CAMK2D: variants seen among roughly 807,000 people sequenced by gnomAD.
CAMK2D encodes the protein calcium/calmodulin-dependent protein kinase type II subunit delta.
In CAMK2D, 37 loss-of-function variants were observed where a neutral mutation model predicts 84.0. The ratio of observed to expected loss-of-function variants is 0.44; its 90% CI spans 0.34 to 0.58. The LOEUF is 0.58. Ranked by LOEUF, CAMK2D falls within the 20% of genes least tolerant of loss-of-function variation. The pLI, the probability that CAMK2D is intolerant of heterozygous loss-of-function variation, is 0.02. For missense variants in CAMK2D, 448 were observed against 652.5 expected, an observed-to-expected ratio of 0.69 and a Z score of 3.41; for synonymous variants, 202 against 212.5, an observed-to-expected ratio of 0.95 and a Z score of 0.43.
intron 16 of CAMK2D, among the ~76,000 whole-genome samples, chr4:113,499,125 G>C (rs1357100451): frequency 6.6e-6 from 1 of 152,004 alleles, no homozygotes; most frequent in East Asian, 1.9e-4. Context: ...CTGAATCAGT[G>C]GGAAAGCTAA....
In CAMK2D at chr4:113,586,633, A is replaced by G. The variant is rs968872649; in HGVS notation, c.275+22519T>C. On this transcript the variant is annotated intron_variant, in intron 4 of 20. Coordinates refer to ENST00000511664, the MANE Select transcript of CAMK2D (RefSeq NM_001321571.2). ...AACCTAGGTTGTGAGGCTCAGCTCA[A>G]TTCTGTTACTAAAACACCTTCTGAT... 3.3e-5 allele frequency among the ~76,000 whole-genome samples: 5 copies of G among 152,162 alleles called. 1 individual carries two copies. Among genetic ancestry groups the G allele is most frequent in the Admixed American group, 1.3e-4 (2 of 15,268 alleles).
At chr4:113,609,749 G>C (rs2098992180) in intron 3 of CAMK2D, among the ~76,000 whole-genome samples, 1 of 152,092 alleles carries the variant, frequency 6.6e-6, no homozygotes, top group Non-Finnish European at 1.5e-5. Flanking sequence ...GCACTCCCTG[G>C]CCAACCTGGC....
chr4:113,554,076 T>A (rs1280623614), intron 4 of CAMK2D, among the ~76,000 whole-genome samples: 1 of 152,148 alleles, frequency 6.6e-6, no homozygotes, highest in Non-Finnish European at 1.5e-5. Flanking sequence ...CTGACATTAA[T>A]AAAATTGCTG....
At chr4:113,559,048 A>T (rs1420317590) in intron 4 of CAMK2D, among the ~76,000 whole-genome samples, 1 of 152,212 alleles carries the variant, frequency 6.6e-6, no homozygotes, top group Non-Finnish European at 1.5e-5. Flanking sequence ...CTAACATGTC[A>T]TGCATTTCAA....
chr4:113,599,458 A>G (rs1225391381), intron 4 of CAMK2D, among the ~76,000 whole-genome samples: 19 of 152,226 alleles, frequency 1.2e-4, no homozygotes, highest in Admixed American at 1.2e-3. Context: ...GGGTAAGTCA[A>G]TAAACTCTGG....
intron 2 of CAMK2D, among the ~76,000 whole-genome samples, chr4:113,693,028 C>T (rs1200945221): frequency 6.6e-6 from 1 of 152,040 alleles, no homozygotes; most frequent in Non-Finnish European, 1.5e-5. Flanking sequence ...CATTATGTTC[C>T]CTCTGACCTA....
chr4:113,649,078 T>A (rs2099162731), intron 3 of CAMK2D, among the ~76,000 whole-genome samples: 1 of 152,202 alleles, frequency 6.6e-6, no homozygotes, highest in Non-Finnish European at 1.5e-5. Context: ...ACAAGTTAAT[T>A]GTTGCTCAAG....
At chr4:113,684,272 A>C (rs1053639380) in intron 2 of CAMK2D, among the ~76,000 whole-genome samples, 5 of 152,196 alleles carry the variant, frequency 3.3e-5, no homozygotes, top group Non-Finnish European at 7.3e-5. Context: ...AGATAACCAC[A>C]TTGGATAGCC....
intron 4 of CAMK2D, among the ~76,000 whole-genome samples, chr4:113,560,442 TA>T (rs1210949587): frequency 6.6e-6 from 1 of 152,072 alleles, no homozygotes; most frequent in Non-Finnish European, 1.5e-5. Context: ...GAAACATAAA[TA>T]AAAAATTATG....
chr4:113,623,063 A>T (rs1466963639), intron 3 of CAMK2D, among the ~76,000 whole-genome samples: 1 of 152,152 alleles, frequency 6.6e-6, no homozygotes, highest in Non-Finnish European at 1.5e-5. Context: ...ACTCCTTTAC[A>T]AAAAAAGTTT....
chr4:113,451,178 A>G lies in CAMK2D; in HGVS notation c.*3367T>C, dbSNP rs1400091694. Reference sequence around the variant, plus strand: ...TTGAAAATTTCCTTAGAATATACTGATTTGCTACTACATTTCATTTTTCCT... The same window carrying G: ...TTGAAAATTTCCTTAGAATATACTGGTTTGCTACTACATTTCATTTTTCCT... On this transcript the variant is annotated 3_prime_UTR_variant, in exon 21 of 21. Coordinates refer to ENST00000511664, the MANE Select transcript of CAMK2D (RefSeq NM_001321571.2). 6.6e-6 allele frequency: 1 copy of G among 152,092 alleles called. No individual in the cohort carries two copies. The highest frequency in any genetic ancestry group is 1.5e-5 in the Non-Finnish European group (1 of 68,004). 9.4% of individuals were successfully genotyped at this position (152,092 alleles called of 1,614,324 possible).
At chr4:113,699,778 T>C (rs2099412671) in intron 2 of CAMK2D, among the ~76,000 whole-genome samples, 1 of 152,222 alleles carries the variant, frequency 6.6e-6, no homozygotes, top group Non-Finnish European at 1.5e-5. Flanking sequence ...TTCATTATGA[T>C]ATAAACATGT....
rs568943666 is a variant in CAMK2D, at chr4:113,758,767, C to T, written c.160+553G>A. Among the ~76,000 whole-genome samples the T allele has an allele frequency of 7.9e-5, 12 of 152,176 alleles. 2 individuals are homozygous for T. The highest frequency in any genetic ancestry group is 1.9e-4 in the African/African-American group (8 of 41,518). On this transcript the variant is annotated intron_variant, in intron 2 of 20. Coordinates refer to ENST00000511664, the MANE Select transcript of CAMK2D (RefSeq NM_001321571.2). ...CATGAGTCTGTGTGAAGCCTTAATG[C>T]GAAGACCAAGGTCTGAGCTGCACAC...
At chr4:113,564,596 T>G (rs536893811) in intron 4 of CAMK2D, among the ~76,000 whole-genome samples, 1 of 152,228 alleles carries the variant, frequency 6.6e-6, no homozygotes, top group African/African-American at 2.4e-5. Flanking sequence ...TACTTATTTT[T>G]GGTATCCCTT....
intron 2 of CAMK2D, among the ~76,000 whole-genome samples, chr4:113,752,162 G>A (rs185302802): frequency 5.9e-5 from 9 of 151,976 alleles, no homozygotes; most frequent in Admixed American, 1.3e-4. Context: ...AGCTTCAAAA[G>A]TAGGGAGAAT....
chr4:113,736,172 A>G (rs189220357), intron 2 of CAMK2D, among the ~76,000 whole-genome samples: 10 of 151,714 alleles, frequency 6.6e-5, no homozygotes, highest in African/African-American at 2.4e-4. Context: ...CACCACAATT[A>G]TATAAAAGTG....
chr4:113,548,416 A>G (rs151092708), intron 5 of CAMK2D, among the ~76,000 whole-genome samples: 14 of 152,284 alleles, frequency 9.2e-5, no homozygotes, highest in African/African-American at 1.4e-4. Context: ...TAGGTAGTTT[A>G]CTGCTTGGAA....
chr4:113,532,940 A>G (rs2098467642), intron 7 of CAMK2D, among the ~76,000 whole-genome samples: 1 of 147,558 alleles, frequency 6.8e-6, no homozygotes, highest in Non-Finnish European at 1.5e-5. Flanking sequence ...AGTTACCTAC[A>G]GTTCTCGGTG....
chr4:113,467,569 G>C (rs897035208), intron 16 of CAMK2D, among the ~76,000 whole-genome samples: 11 of 152,272 alleles, frequency 7.2e-5, no homozygotes, highest in African/African-American at 2.4e-4. Flanking sequence ...TTCATATTTA[G>C]TTACATAATT....
Sources: gnomAD v4.1 joint callset for allele counts (sites outside exome capture counted in the v4.1 genomes callset) on GRCh38, gnomAD v4.1.1 for gene constraint, MANE v1.5 for transcripts, NCBI Gene and HGNC (gene_info 2026-07-23, HGNC 2026-07-21) for gene names.